HIKESHI: variants seen among roughly 807,000 people sequenced by gnomAD.
HIKESHI encodes the protein heat shock protein nuclear import factor hikeshi, also known as protein Hikeshi.
HIKESHI carries 13 observed loss-of-function variants against 25.7 expected under a neutral mutation model. The ratio of observed to expected loss-of-function variants is 0.51; its 90% CI spans 0.33 to 0.80. HIKESHI has a LOEUF of 0.80. Among genes scored for constraint, HIKESHI ranks in the 30% least tolerant of loss-of-function variants. The pLI, the probability that HIKESHI is intolerant of heterozygous loss-of-function variation, is 0.02. For missense variants in HIKESHI, 174 were observed against 229.5 expected (o/e 0.76, Z 1.56); for synonymous variants, 76 against 78.7 (o/e 0.97, Z 0.18).
At chr11:86,318,401 C>T (rs574786483) in intron 2 of HIKESHI, among the ~76,000 whole-genome samples, 1 of 150,962 alleles carries the variant, frequency 6.6e-6, no homozygotes, top group East Asian at 1.9e-4. Context: ...CTTCCTCATG[C>T]AGCCATCAGA....
intron 2 of HIKESHI, among the ~76,000 whole-genome samples, chr11:86,315,477 T>A (rs995493202): frequency 1.3e-5 from 2 of 152,228 alleles, no homozygotes; most frequent in African/African-American, 4.8e-5. Context: ...CACACCACCA[T>A]GCCCGGCTAA....
intron 3 of HIKESHI, chr11:86,343,879 G>T (rs1947798315): frequency 6.6e-6 from 1 of 152,200 alleles, no homozygotes. Flanking sequence ...CAGAAGTTCA[G>T]TTACTTTTAG....
At chr11:86,305,366 A>G (rs1188551880) in intron 1 of HIKESHI, among the ~76,000 whole-genome samples, 1 of 151,526 alleles carries the variant, frequency 6.6e-6, no homozygotes, top group East Asian at 2.0e-4. Context: ...CATTTTTACA[A>G]CATTCTGAAG....
At chr11:86,308,687 TTAGG>T (rs1251982636) in intron 2 of HIKESHI, among the ~76,000 whole-genome samples, 1 of 151,934 alleles carries the variant, frequency 6.6e-6, no homozygotes, top group East Asian at 1.9e-4. Context: ...GTCATTTACA[TTAGG>T]TATATCTCCT....
rs570726976 is a variant in HIKESHI at position 86,319,029 on chromosome 11, G to A, written c.268+12547G>A. On this transcript the variant is annotated intron_variant, in intron 2 of 4. Coordinates refer to ENST00000278483, the MANE Select transcript of HIKESHI (RefSeq NM_016401.4). ...ACTCCTGGGCTCAAGCCATCCTCCTGCCTTAGCCTCCTGAGTAGCTAGGAC... is the reference window on the plus strand; with the variant it reads ...ACTCCTGGGCTCAAGCCATCCTCCTACCTTAGCCTCCTGAGTAGCTAGGAC... Among the ~76,000 whole-genome samples the A allele has an allele frequency of 1.1e-4, 16 of 151,900 alleles. No homozygotes were observed. The South Asian group carries it at 3.3e-3, about 32-fold the overall frequency.
chr11:86,306,309 G>A lies in HIKESHI; in HGVS notation c.95G>A (p.Ser32Asn), dbSNP rs766619246. The A allele has an allele frequency of 6.8e-6, 11 of 1,613,982 alleles. No individual in the cohort carries two copies. The South Asian group carries it at 1.1e-4, about 16-fold the overall frequency. Residue 32 changes from serine (S) to asparagine (N), a missense_variant, in exon 2 of 5, where the codon AGT becomes AAT. Transcript: ENST00000278483. ...GTTTTTGACTTACCTGATTATGAAA[G>A]TATCAACCATGTTGTGGTTTTTATG... Reference protein sequence around the residue: ...KFVFDLPDYESINHVVVFMLG... With the variant: ...KFVFDLPDYENINHVVVFMLG...
Position 86,328,583 on chromosome 11 carries a change from A to C in HIKESHI, c.269-8796A>C, listed in dbSNP as rs564195511. On this transcript the variant is annotated intron_variant, in intron 2 of 4. Transcript: ENST00000278483. Reference sequence around the variant, plus strand: ...CTCAGCCTCCTGAGTAGCTGGGATTACAGGTAACTGCCACCACGCCCGGCT... The same window carrying C: ...CTCAGCCTCCTGAGTAGCTGGGATTCCAGGTAACTGCCACCACGCCCGGCT... 4.1e-3 allele frequency among the ~76,000 whole-genome samples: 622 copies of C among 152,168 alleles called. 3 individuals are homozygous for C. The highest frequency in any genetic ancestry group is 6.9e-3 in the Non-Finnish European group (466 of 68,000).
At chr11:86,334,728 A>G (rs1353181047) in intron 2 of HIKESHI, among the ~76,000 whole-genome samples, 1 of 152,178 alleles carries the variant, frequency 6.6e-6, no homozygotes, top group Non-Finnish European at 1.5e-5. Flanking sequence ...AGCTCACTGT[A>G]GTCTCGATCT....
chr11:86,318,228 C>T (rs929343363), intron 2 of HIKESHI, among the ~76,000 whole-genome samples: 11 of 135,704 alleles, frequency 8.1e-5, no homozygotes, highest in Admixed American at 5.1e-4. Context: ...GGCGTGAACC[C>T]GGGAGACGGA....
intron 2 of HIKESHI, among the ~76,000 whole-genome samples, chr11:86,328,473 C>G (rs888480825): frequency 6.6e-6 from 1 of 150,688 alleles, no homozygotes; most frequent in South Asian, 2.1e-4. Context: ...GCTCTGTTGC[C>G]GAGGCTGGTG....
At chr11:86,304,759 A>T (rs1278734733) in intron 1 of HIKESHI, among the ~76,000 whole-genome samples, 1 of 152,020 alleles carries the variant, frequency 6.6e-6, no homozygotes, top group African/African-American at 2.4e-5. Flanking sequence ...CAGGTGATCA[A>T]CCCGCCTTGG....
At chr11:86,337,556 T>C in intron 3 of HIKESHI, 26 bp downstream of exon 3, 1 of 1,602,728 alleles carries the variant, frequency 6.2e-7, no homozygotes, top group Admixed American at 1.7e-5. Context: ...TTTCATTCTT[T>C]ACCTCCCCCT....
chr11:86,310,833 T>G (rs979977575), intron 2 of HIKESHI, among the ~76,000 whole-genome samples: 2 of 152,206 alleles, frequency 1.3e-5, no homozygotes, highest in Non-Finnish European at 2.9e-5. Context: ...GTGGTTTTTG[T>G]CTTTGGTTCT....
intron 3 of HIKESHI, among the ~76,000 whole-genome samples, chr11:86,341,558 A>T (rs1947732183): frequency 6.6e-6 from 1 of 150,952 alleles, no homozygotes; most frequent in Non-Finnish European, 1.5e-5. Context: ...GCAGTGGTGC[A>T]ATCACAGCTC....
At chr11:86,315,213 A>C (rs1946942076) in intron 2 of HIKESHI, among the ~76,000 whole-genome samples, 1 of 152,218 alleles carries the variant, frequency 6.6e-6, no homozygotes. Context: ...AGAGAGAGAA[A>C]AGTCATTTAT....
intron 2 of HIKESHI, among the ~76,000 whole-genome samples, chr11:86,309,440 G>T (rs915713788): frequency 6.6e-6 from 1 of 152,030 alleles, no homozygotes; most frequent in Admixed American, 6.6e-5. Flanking sequence ...TTGTAAATTT[G>T]TTTAAGTTCT....
In HIKESHI at chr11:86,306,491, A is replaced by C; in HGVS notation, c.268+9A>C. On this transcript the variant is annotated intron_variant, in intron 2 of 4. Transcript: ENST00000278483. ...TTCAGGTCTTAAATCTGGTAAGAAT[A>C]ATATATTAAAGTAGTTTTATAATTA... 13 of 1,503,732 alleles carry C rather than the reference A, an allele frequency of 8.6e-6. No homozygotes were observed. The highest frequency in any genetic ancestry group is 1.2e-5 in the Non-Finnish European group (13 of 1,088,416). The allele number at this position is 1,503,732 out of a possible 1,614,324, so 93.1% of individuals were successfully genotyped here.
chr11:86,337,028 A>C (rs1593867349), intron 2 of HIKESHI, among the ~76,000 whole-genome samples: 1 of 152,162 alleles, frequency 6.6e-6, no homozygotes, highest in African/African-American at 2.4e-5. Flanking sequence ...TAGATAAACA[A>C]AAACTAAGTC....
intron 2 of HIKESHI, chr11:86,326,684 T>C (rs1593848109): frequency 2.8e-6 from 1 of 355,578 alleles, no homozygotes. Context: ...TGAGTAAGAT[T>C]TGGATGGGAT....
Sources: allele counts gnomAD v4.1 joint callset (sites outside exome capture counted in the v4.1 genomes callset), GRCh38; gene constraint gnomAD v4.1.1; transcripts MANE v1.5; gene names NCBI Gene and HGNC (gene_info 2026-07-23, HGNC 2026-07-21).